CUL4A: variants seen among roughly 807,000 people sequenced by gnomAD.
The protein encoded by CUL4A is cullin 4A, also known as cullin-4A.
Under a neutral mutation model 95.5 loss-of-function variants are expected in CUL4A, and 16 were observed. The ratio of observed to expected loss-of-function variants is 0.17; its 90% CI spans 0.11 to 0.25. CUL4A has a LOEUF of 0.25. Ranked by LOEUF, CUL4A falls within the 10% of genes least tolerant of loss-of-function variation. CUL4A has a pLI of 1.00. For synonymous variants in CUL4A, 380 were observed against 353.1 expected (o/e 1.08, Z -0.85); for missense variants, 610 against 937.0 (o/e 0.65, Z 4.56).
intron 2 of CUL4A, among the ~76,000 whole-genome samples, chr13:113,216,288 C>T (rs1230406040): frequency 1.3e-5 from 2 of 152,222 alleles, no homozygotes; most frequent in Non-Finnish European, 2.9e-5. Context: ...CCCTTATCCG[C>T]AGTGAGCATT....
chr13:113,248,368 G>A (rs1000026576), intron 15 of CUL4A, among the ~76,000 whole-genome samples: 1 of 151,906 alleles, frequency 6.6e-6, no homozygotes, highest in African/African-American at 2.4e-5. Context: ...ATGAACTCAG[G>A]GATTCTTAAT....
chr13:113,260,784 A>G, intron 19 of CUL4A, 25 bp downstream of exon 19: 1 of 1,494,486 alleles, frequency 6.7e-7, no homozygotes, highest in Non-Finnish European at 9.2e-7. Flanking sequence ...AGCATAATTA[A>G]ATTTGTAGTA....
chr13:113,251,430 C>G (rs1457858793), intron 15 of CUL4A, among the ~76,000 whole-genome samples: 1 of 152,162 alleles, frequency 6.6e-6, no homozygotes. Context: ...TCTTTAGAAG[C>G]CATCCAGAGA....
In CUL4A at chr13:113,256,378, G is replaced by A. The variant is rs201101917; in HGVS notation, c.2031+1253G>A. 9.2e-5 allele frequency among the ~76,000 whole-genome samples: 14 copies of A among 152,192 alleles called. No homozygotes were observed. The East Asian group carries it at 2.7e-3, about 29-fold the overall frequency. On this transcript the variant is annotated intron_variant, in intron 18 of 19. Coordinates refer to ENST00000375440, the MANE Select transcript of CUL4A (RefSeq NM_001008895.4). ...AAATAAGATTACGTTCAACACCCTGGCACAGACATTTCTGTGCACTTGTTA... is the reference window on the plus strand; with the variant it reads ...AAATAAGATTACGTTCAACACCCTGACACAGACATTTCTGTGCACTTGTTA...
chr13:113,256,926 G>GTTGTTTT (rs2042137847), intron 18 of CUL4A, among the ~76,000 whole-genome samples: 8 of 47,374 alleles, frequency 1.7e-4, no homozygotes, highest in African/African-American at 7.2e-4. Context: ...TTTTTTTTTC[G>GTTGTTTT]TTTTTTTTTT....
chr13:113,208,980 AGGCCGCGGAGGACCCTCCGCGCCTGGCTG>A, upstream of CUL4A: 1 of 996,504 alleles, frequency 1.0e-6, no homozygotes, highest in Non-Finnish European at 1.2e-6. Context: ...TGTGAAAACC[AGGCCGCGGAGGACCCTCCGCGCCTGGCTG>A]GGCCAGGGCC....
chr13:113,247,728 G>T (rs540051385), intron 15 of CUL4A, among the ~76,000 whole-genome samples: 1 of 152,184 alleles, frequency 6.6e-6, no homozygotes, highest in African/African-American at 2.4e-5. Flanking sequence ...CGCTGGCCAC[G>T]TGGTGCTGTC....
intron 15 of CUL4A, among the ~76,000 whole-genome samples, chr13:113,249,773 T>C (rs939749134): frequency 6.6e-6 from 1 of 152,200 alleles, no homozygotes; most frequent in Non-Finnish European, 1.5e-5. Context: ...TCTGCCTCTT[T>C]CGTTGTAGCC....
rs1197591020 is a variant in CUL4A at position 113,263,658 on chromosome 13, TG to T, written c.*79del. The T allele has an allele frequency of 3.2e-6, 3 of 928,566 alleles. No individual in the cohort carries two copies. Among genetic ancestry groups the T allele is most frequent in the African/African-American group, 3.4e-5 (2 of 58,776 alleles). The allele number at this position is 928,566 out of a possible 1,614,324, so 57.5% of individuals were successfully genotyped here. Reference sequence around the variant, plus strand: ...GCAGGAAGCACACCTGTGCCATTTCTGGGACTCTGATTGATCCAGCTGTGGA... The same window carrying T: ...GCAGGAAGCACACCTGTGCCATTTCTGGACTCTGATTGATCCAGCTGTGGA... On this transcript the variant is annotated 3_prime_UTR_variant, in exon 20 of 20. Transcript: ENST00000375440.
intron 8 of CUL4A, among the ~76,000 whole-genome samples, chr13:113,235,589 T>C (rs1327105006): frequency 6.6e-6 from 1 of 152,144 alleles, no homozygotes; most frequent in South Asian, 2.1e-4. Context: ...GGAGAGATTA[T>C]GTGAGCGTGT....
At chr13:113,249,388 A>G (rs183367292) in intron 15 of CUL4A, among the ~76,000 whole-genome samples, 2 of 151,922 alleles carry the variant, frequency 1.3e-5, no homozygotes, top group East Asian at 1.9e-4. Flanking sequence ...ATGCTGTACC[A>G]TACATGAGCG....
chr13:113,240,115 G>T (rs1022778366), intron 10 of CUL4A, among the ~76,000 whole-genome samples: 1 of 152,242 alleles, frequency 6.6e-6, no homozygotes, highest in Admixed American at 6.5e-5. Context: ...CATGTCCTGT[G>T]CAGGAGAACG....
At chr13:113,246,440 C>G (rs1016971051) in intron 15 of CUL4A, among the ~76,000 whole-genome samples, 3 of 152,180 alleles carry the variant, frequency 2.0e-5, no homozygotes, top group African/African-American at 7.2e-5. Flanking sequence ...ACTTTAGCTA[C>G]ACTAAACCCT....
chr13:113,256,696 C>T (rs929672053), intron 18 of CUL4A, among the ~76,000 whole-genome samples: 4 of 152,168 alleles, frequency 2.6e-5, no homozygotes, highest in Non-Finnish European at 5.9e-5. Flanking sequence ...AGACATACTA[C>T]TACCTCAAGT....
chr13:113,213,185 C>T (rs1037954544), intron 2 of CUL4A, among the ~76,000 whole-genome samples: 4 of 151,862 alleles, frequency 2.6e-5, no homozygotes, highest in Admixed American at 6.6e-5. Flanking sequence ...CCCAGGAGTT[C>T]GAGACCAGCC....
Position 113,267,095 on chromosome 13 carries a change from C to T in CUL4A, c.*3513C>T, listed in dbSNP as rs893095207. 2.0e-5 allele frequency: 3 copies of T among 152,080 alleles called. No homozygotes were observed. The highest frequency in any genetic ancestry group is 7.2e-5 in the African/African-American group (3 of 41,394). The allele number at this position is 152,080 out of a possible 1,614,324, so 9.4% of individuals were successfully genotyped here. A position where few individuals can be genotyped will look rare whatever the true frequency, so the allele number is the denominator to read the frequency against. On this transcript the variant is annotated 3_prime_UTR_variant, in exon 20 of 20. Coordinates refer to ENST00000375440, the MANE Select transcript of CUL4A (RefSeq NM_001008895.4). ...GAACTCAGAAAAAGAAAAATATAGT[C>T]CTCCTTTCTAAGATTTTTGGACCCG...
At chr13:113,219,109 T>C in intron 3 of CUL4A, 61 bp downstream of exon 3, 1 of 1,031,090 alleles carries the variant, frequency 9.7e-7, no homozygotes, top group Non-Finnish European at 1.4e-6. Flanking sequence ...AAACTGAACA[T>C]TATTATGATA....
At chr13:113,248,028 C>T (rs2041900261) in intron 15 of CUL4A, among the ~76,000 whole-genome samples, 2 of 152,146 alleles carry the variant, frequency 1.3e-5, no homozygotes, top group Non-Finnish European at 2.9e-5. Flanking sequence ...GCGGGAGGTG[C>T]GCACTATCAC....
intron 2 of CUL4A, among the ~76,000 whole-genome samples, chr13:113,216,605 A>G (rs2040701735): frequency 6.6e-6 from 1 of 152,218 alleles, no homozygotes; most frequent in Non-Finnish European, 1.5e-5. Context: ...TAAAATGCTA[A>G]TGGCCTGAGT....
Sources: allele counts gnomAD v4.1 joint callset (sites outside exome capture counted in the v4.1 genomes callset), GRCh38; gene constraint gnomAD v4.1.1; transcripts MANE v1.5; gene names NCBI Gene and HGNC (gene_info 2026-07-23, HGNC 2026-07-21).